The following TMOD1 variants were observed in gnomAD, a reference collection of about 807,000 sequenced individuals.
TMOD1 encodes the protein tropomodulin 1.
Under a neutral mutation model 40.6 loss-of-function variants are expected in TMOD1, and 17 were observed. That is an observed-to-expected ratio of 0.42 (90% CI 0.29 to 0.63). The LOEUF is 0.63. TMOD1 is among the 20% of genes least tolerant of loss of function. The probability of loss-of-function intolerance (pLI) is 0.22; values close to 1 mark genes in which losing one functional copy is unlikely to be tolerated. For synonymous variants in TMOD1, 181 were observed against 175.0 expected (o/e 1.03, Z -0.27); for missense variants, 391 against 447.6 (o/e 0.87, Z 1.14).
intron 2 of TMOD1, among the ~76,000 whole-genome samples, chr9:97,531,037 A>ACCCCCCCC (rs1285892432): frequency 7.6e-5 from 7 of 92,300 alleles, no homozygotes; most frequent in South Asian, 8.1e-4. Context: ...ATCCACACCC[A>ACCCCCCCC]CCCCCCCCAC....
At chr9:97,507,237 C>A (rs1829604732) in intron 1 of TMOD1, among the ~76,000 whole-genome samples, 1 of 152,142 alleles carries the variant, frequency 6.6e-6, no homozygotes, top group African/African-American at 2.4e-5. Context: ...ACCTGAGACA[C>A]CTGAGACCCT....
intron 8 of TMOD1, among the ~76,000 whole-genome samples, chr9:97,584,600 G>C (rs571513420): frequency 6.6e-6 from 1 of 152,142 alleles, no homozygotes; most frequent in Non-Finnish European, 1.5e-5. Flanking sequence ...TGACAGTGGG[G>C]TGTTAAAGTC....
At chr9:97,515,418 T>C (rs1054905690) in intron 1 of TMOD1, among the ~76,000 whole-genome samples, 2 of 152,108 alleles carry the variant, frequency 1.3e-5, no homozygotes, top group Admixed American at 1.3e-4. Flanking sequence ...TAGCTGGGAC[T>C]ACAGGCACAC....
intron 1 of TMOD1, among the ~76,000 whole-genome samples, chr9:97,512,357 A>G (rs112490595): frequency 2.0e-5 from 3 of 152,338 alleles, no homozygotes; most frequent in African/African-American, 2.4e-5. Flanking sequence ...AAAACTGACA[A>G]TATCTACTGA....
At chr9:97,546,073 C>T in intron 2 of TMOD1, 112 bp from the exon 3 acceptor site, 1 of 1,300,246 alleles carries the variant, frequency 7.7e-7, no homozygotes, top group Admixed American at 2.6e-5. Flanking sequence ...TCTGAGGTCC[C>T]TTCTGTTCGA....
At chr9:97,516,975 G>C (rs977389349) in intron 1 of TMOD1, among the ~76,000 whole-genome samples, 5 of 152,122 alleles carry the variant, frequency 3.3e-5, no homozygotes, top group Non-Finnish European at 7.4e-5. Flanking sequence ...TGGTTAAAAT[G>C]GCAAATTTTA....
intron 1 of TMOD1, among the ~76,000 whole-genome samples, chr9:97,521,566 G>A (rs1829916407): frequency 6.6e-6 from 1 of 152,176 alleles, no homozygotes. Flanking sequence ...CCTTCAGGAA[G>A]GTTTTTTCGT....
intron 2 of TMOD1, among the ~76,000 whole-genome samples, chr9:97,531,033 A>C (rs866519868): frequency 0.036 from 2,757 of 76,466 alleles, 28 homozygotes; most frequent in Middle Eastern, 0.051. Flanking sequence ...GGTGATCCAC[A>C]CCCACCCCCC....
In TMOD1 at chr9:97,583,000, CCTGT is replaced by C. The variant is rs1229891923; in HGVS notation, c.871-8288_871-8285del. Among the ~76,000 whole-genome samples the C allele has an allele frequency of 4.8e-4, 73 of 151,176 alleles. 1 individual carries two copies. Among genetic ancestry groups the C allele is most frequent in the East Asian group, 9.6e-4 (5 of 5,186 alleles). ...AATTGAATACCCTTTATTTCCTTCT[CCTGT>C]CTAATTGCCCTGGCCAGAACTTCCA... On this transcript the variant is annotated intron_variant, in intron 8 of 9. Transcript: ENST00000259365.
chr9:97,578,404 A>G (rs1825663564), intron 8 of TMOD1, among the ~76,000 whole-genome samples: 1 of 152,120 alleles, frequency 6.6e-6, no homozygotes, highest in Non-Finnish European at 1.5e-5. Context: ...CACGTGTTCT[A>G]TTTTACTCCT....
At chr9:97,572,717 G>T (rs181375287) in intron 8 of TMOD1, among the ~76,000 whole-genome samples, 133 of 152,288 alleles carry the variant, frequency 8.7e-4, no homozygotes, top group African/African-American at 3.1e-3. Flanking sequence ...CCTCAGTCCT[G>T]TGCTTATAAC....
intron 8 of TMOD1, among the ~76,000 whole-genome samples, chr9:97,573,897 C>CCA (rs1830863219): frequency 6.6e-6 from 1 of 152,204 alleles, no homozygotes; most frequent in Non-Finnish European, 1.5e-5. Context: ...AAAGCACAAC[C>CCA]CACACTCAAG....
chr9:97,561,950 T>C (rs1004039120), intron 4 of TMOD1, among the ~76,000 whole-genome samples: 5 of 152,192 alleles, frequency 3.3e-5, no homozygotes, highest in Non-Finnish European at 5.9e-5. Context: ...ACACTCAGCA[T>C]ACCCTGTGCT....
intron 2 of TMOD1, among the ~76,000 whole-genome samples, chr9:97,531,210 G>T (rs1252102767): frequency 6.6e-6 from 1 of 152,268 alleles, no homozygotes; most frequent in African/African-American, 2.4e-5. Flanking sequence ...ATAGGATGAG[G>T]TTTAATGTCA....
chr9:97,515,004 G>A (rs1473646324), intron 1 of TMOD1, among the ~76,000 whole-genome samples: 1 of 152,090 alleles, frequency 6.6e-6, no homozygotes, highest in African/African-American at 2.4e-5. Flanking sequence ...TGCAGTACAC[G>A]GACACCTATG....
At chr9:97,527,597 G>T (rs1388546920) in intron 2 of TMOD1, among the ~76,000 whole-genome samples, 1 of 152,154 alleles carries the variant, frequency 6.6e-6, no homozygotes, top group African/African-American at 2.4e-5. Flanking sequence ...TGTGGTTTCT[G>T]TGGAGGGTCA....
chr9:97,589,098 CA>C (rs1825942215), intron 8 of TMOD1, among the ~76,000 whole-genome samples: 1 of 112,092 alleles, frequency 8.9e-6, no homozygotes. Context: ...GCCTGAACAA[CA>C]AGAGTGAGAC....
chr9:97,538,469 CA>C (rs11358222), intron 2 of TMOD1, among the ~76,000 whole-genome samples: 109,567 of 149,218 alleles, frequency 0.73, 40,772 homozygotes, highest in African/African-American at 0.9. Flanking sequence ...GAACTAACTA[CA>C]AAAAAAAAAA....
intron 8 of TMOD1, among the ~76,000 whole-genome samples, chr9:97,575,904 T>A (rs1830930368): frequency 6.6e-6 from 1 of 152,218 alleles, no homozygotes; most frequent in Non-Finnish European, 1.5e-5. Flanking sequence ...GACTTTTACA[T>A]CCTTTTGTCA....
Sources: gnomAD v4.1 joint callset for allele counts (sites outside exome capture counted in the v4.1 genomes callset) on GRCh38, gnomAD v4.1.1 for gene constraint, MANE v1.5 for transcripts, NCBI Gene and HGNC (gene_info 2026-07-23, HGNC 2026-07-21) for gene names.